RPIA: variants seen among roughly 807,000 people sequenced by gnomAD.
RPIA encodes the protein ribose 5-phosphate isomerase A.
A neutral mutation model predicts 37.8 loss-of-function variants in RPIA; 29 were observed. That is an observed-to-expected ratio of 0.77 (90% confidence interval 0.57 to 1.05). RPIA has a LOEUF of 1.05. RPIA is among the 50% of genes least tolerant of loss of function. The pLI, the probability that RPIA is intolerant of heterozygous loss-of-function variation, is 0.00. For missense variants in RPIA, 385 were observed against 413.6 expected (o/e 0.93, Z 0.60); for synonymous variants, 167 against 157.0 (o/e 1.06, Z -0.48).
intron 8 of RPIA, among the ~76,000 whole-genome samples, 179 bp downstream of exon 8, chr2:88,738,255 C>G (rs143609946): frequency 7.9e-5 from 12 of 152,326 alleles, no homozygotes; most frequent in African/African-American, 2.9e-4. Context: ...TTCCCTTCCC[C>G]CAACAATTGT....
intron 3 of RPIA, among the ~76,000 whole-genome samples, chr2:88,725,149 C>A (rs557782931): frequency 1.3e-5 from 2 of 152,254 alleles, no homozygotes; most frequent in South Asian, 4.1e-4. Flanking sequence ...GGTGTTTACT[C>A]TACACGCTCC....
At chr2:88,698,441 T>C in intron 1 of RPIA, 43 bp from the exon 2 acceptor site, 1 of 1,545,458 alleles carries the variant, frequency 6.5e-7, no homozygotes. Context: ...GAGTAAAATA[T>C]GATATTAATA....
At chr2:88,692,678 C>T (rs1676955275) in intron 1 of RPIA, among the ~76,000 whole-genome samples, 1 of 152,106 alleles carries the variant, frequency 6.6e-6, no homozygotes, top group Admixed American at 6.5e-5. Context: ...TTGCTGTCAC[C>T]AATCAAGTAT....
intron 8 of RPIA, among the ~76,000 whole-genome samples, chr2:88,745,565 G>A (rs1673429611): frequency 6.6e-6 from 1 of 152,096 alleles, no homozygotes; most frequent in African/African-American, 2.4e-5. Flanking sequence ...CAAAATTCTT[G>A]GCTGATAATT....
chr2:88,708,896 C>G (rs1307392286), intron 3 of RPIA, among the ~76,000 whole-genome samples: 2 of 151,948 alleles, frequency 1.3e-5, no homozygotes, highest in Non-Finnish European at 2.9e-5. Context: ...AGCTGGGACT[C>G]CAGGTACCCG....
chr2:88,737,778 C>CAA lies in RPIA; in HGVS notation c.739-187_739-186dup, dbSNP rs57418305. 2.7e-3 allele frequency among the ~76,000 whole-genome samples: 386 copies of CAA among 140,652 alleles called. 1 individual carries two copies. The highest frequency in any genetic ancestry group is 9.2e-3 in the African/African-American group (358 of 38,754). 92.3% of individuals were successfully genotyped at this position (140,652 alleles called of 152,430 possible). On this transcript the variant is annotated intron_variant, in intron 7 of 8. Coordinates refer to ENST00000283646, the MANE Select transcript of RPIA (RefSeq NM_144563.3). ...AGGCTTGTATCCTCTCTCTCTCTCT[C>CAA]AAAAAAAAAAAAAGACTACAATCTA...
intron 1 of RPIA, among the ~76,000 whole-genome samples, chr2:88,693,535 A>G (rs1676972933): frequency 6.6e-6 from 1 of 152,106 alleles, no homozygotes; most frequent in African/African-American, 2.4e-5. Context: ...CATGCCTCTT[A>G]TGTGCTTTAT....
At chr2:88,699,946 A>C (rs1286250936) in intron 2 of RPIA, 63 bp from the exon 3 acceptor site, 1 of 1,554,230 alleles carries the variant, frequency 6.4e-7, no homozygotes, top group African/African-American at 1.4e-5. Flanking sequence ...GAGCAAACAC[A>C]TATGACAAGA....
At chr2:88,725,417 A>T (rs981367422) in intron 3 of RPIA, among the ~76,000 whole-genome samples, 5 of 151,340 alleles carry the variant, frequency 3.3e-5, no homozygotes, top group African/African-American at 1.2e-4. Context: ...TGTTGGCAGA[A>T]TTGGTTCTCT....
chr2:88,737,175 G>A (rs1404081195), intron 7 of RPIA, among the ~76,000 whole-genome samples: 4 of 152,094 alleles, frequency 2.6e-5, no homozygotes, highest in South Asian at 2.1e-4. Context: ...CAAATTTTTC[G>A]TGTTTCTCTT....
chr2:88,699,936 G>T, intron 2 of RPIA, 73 bp from the exon 3 acceptor site: 1 of 1,516,674 alleles, frequency 6.6e-7, no homozygotes, highest in Non-Finnish European at 9.2e-7. Context: ...TGTTGGTTTC[G>T]AGCAAACACA....
At chr2:88,729,833 C>A (rs1462710943) in intron 4 of RPIA, among the ~76,000 whole-genome samples, 1 of 24,270 alleles carries the variant, frequency 4.1e-5, no homozygotes, top group African/African-American at 3.3e-4. Flanking sequence ...GCTAGCAAGA[C>A]TAATAAAGAA....
intron 3 of RPIA, among the ~76,000 whole-genome samples, chr2:88,715,976 A>G (rs1013608786): frequency 2.0e-5 from 3 of 152,140 alleles, no homozygotes; most frequent in African/African-American, 7.2e-5. Context: ...TTTTCTTTCC[A>G]AATAAGAGCT....
At chr2:88,706,843 A>G (rs1031306698) in intron 3 of RPIA, among the ~76,000 whole-genome samples, 4 of 152,176 alleles carry the variant, frequency 2.6e-5, no homozygotes, top group African/African-American at 7.2e-5. Context: ...TGGCCTTTCA[A>G]CTCCCCATTG....
intron 3 of RPIA, among the ~76,000 whole-genome samples, chr2:88,704,760 G>A (rs1411123282): frequency 6.6e-6 from 1 of 152,192 alleles, no homozygotes; most frequent in Non-Finnish European, 1.5e-5. Context: ...ATTCACATAG[G>A]AAGAGAGAAA....
chr2:88,705,025 T>A (rs1324099232), intron 3 of RPIA, among the ~76,000 whole-genome samples: 1 of 151,788 alleles, frequency 6.6e-6, no homozygotes, highest in Non-Finnish European at 1.5e-5. Flanking sequence ...AAGTGAAGGA[T>A]CTCTTCAAGG....
At chr2:88,700,158 G>C (rs943068616) in intron 3 of RPIA, 94 bp downstream of exon 3, 13 of 1,151,996 alleles carry the variant, frequency 1.1e-5, no homozygotes, top group African/African-American at 7.6e-5. Context: ...TGTACCTCAA[G>C]GTTGTTCTAG....
intron 8 of RPIA, among the ~76,000 whole-genome samples, chr2:88,743,946 T>G (rs761764896): frequency 1.3e-5 from 2 of 152,186 alleles, no homozygotes; most frequent in Non-Finnish European, 2.9e-5. Flanking sequence ...CGATTTTATC[T>G]TTTCAAAGAA....
At chr2:88,715,303 G>A (rs1358041225) in intron 3 of RPIA, among the ~76,000 whole-genome samples, 1 of 152,232 alleles carries the variant, frequency 6.6e-6, no homozygotes, top group Non-Finnish European at 1.5e-5. Flanking sequence ...TTCCTCTTCG[G>A]GGGGAAGGGA....
Sources: gnomAD v4.1 joint callset for allele counts (sites outside exome capture counted in the v4.1 genomes callset) on GRCh38, gnomAD v4.1.1 for gene constraint, MANE v1.5 for transcripts, NCBI Gene and HGNC (gene_info 2026-07-23, HGNC 2026-07-21) for gene names.